FRMPD4: variants seen among roughly 807,000 people sequenced by gnomAD.
FRMPD4 encodes FERM and PDZ domain-containing protein 4.
FRMPD4 carries 22 observed loss-of-function variants against 94.1 expected under a neutral mutation model. That is an observed-to-expected ratio of 0.23 (90% CI 0.17 to 0.33). The LOEUF (loss-of-function observed/expected upper bound fraction) is 0.33. Among genes scored for constraint, FRMPD4 ranks in the 10% least tolerant of loss-of-function variants. The pLI is 1.00. For synonymous variants in FRMPD4, 631 were observed against 548.6 expected (o/e 1.15, Z -2.10); for missense variants, 1,111 against 1,339.9 (o/e 0.83, Z 2.67).
At chrX:12,651,725 T>C (rs2059597003) in intron 4 of FRMPD4, among the ~76,000 whole-genome samples, 2 of 111,830 alleles carry the variant, frequency 1.8e-5, no homozygotes, top group Non-Finnish European at 3.8e-5. Context: ...GCCGGACTGC[T>C]GAACAGAAGG....
chrX:11,870,968 A>G (rs918553052), intron 2 of FRMPD4, among the ~76,000 whole-genome samples: 12 of 112,218 alleles, frequency 1.1e-4, no homozygotes, highest in Admixed American at 7.5e-4. Flanking sequence ...ACGATAGCAG[A>G]TGCAGCTGTG....
At chrX:12,629,514 C>A (rs922018726) in intron 4 of FRMPD4, among the ~76,000 whole-genome samples, 5 of 112,074 alleles carry the variant, frequency 4.5e-5, no homozygotes, top group African/African-American at 1.6e-4. Flanking sequence ...AGTTTCCTCA[C>A]CTATAACATG....
At chrX:12,546,177 C>CTTTT (rs11321204) in intron 2 of FRMPD4, among the ~76,000 whole-genome samples, 6 of 91,939 alleles carry the variant, frequency 6.5e-5, no homozygotes, top group Non-Finnish European at 8.9e-5. Flanking sequence ...TGCCAACTGT[C>CTTTT]TTTTTTTTTT....
chrX:11,951,386 G>A (rs2407661), intron 3 of FRMPD4, among the ~76,000 whole-genome samples: 39,631 of 110,851 alleles, frequency 0.36, 5,481 homozygotes, highest in East Asian at 0.82. Context: ...TGTGGTATCT[G>A]CATACCATGG....
intron 1 of FRMPD4, among the ~76,000 whole-genome samples, chrX:12,334,429 A>C (rs964000798): frequency 1.8e-5 from 2 of 111,251 alleles, no homozygotes; most frequent in African/African-American, 3.3e-5. Context: ...TAATATGGGC[A>C]CTGCCAAGTC....
At chrX:12,377,802 A>C (rs2056260330) in intron 1 of FRMPD4, among the ~76,000 whole-genome samples, 2 of 112,724 alleles carry the variant, frequency 1.8e-5, no homozygotes, top group South Asian at 7.4e-4. Context: ...CTAGCCCTGT[A>C]ATAAAAGCTC....
chrX:12,656,784 A>G (rs1248354670), intron 4 of FRMPD4, among the ~76,000 whole-genome samples: 1 of 111,783 alleles, frequency 8.9e-6, no homozygotes, highest in African/African-American at 3.3e-5. Context: ...ACAATTATCT[A>G]TTGGTACATA....
chrX:12,388,182 G>A (rs1033572418), intron 1 of FRMPD4, among the ~76,000 whole-genome samples: 4 of 110,832 alleles, frequency 3.6e-5, no homozygotes, highest in Non-Finnish European at 1.9e-5. Context: ...AGTTACAAGG[G>A]TCTATACATA....
chrX:11,943,548 G>C (rs1165102071), intron 3 of FRMPD4, among the ~76,000 whole-genome samples: 3 of 110,065 alleles, frequency 2.7e-5, no homozygotes, highest in Non-Finnish European at 5.7e-5. Flanking sequence ...ATGAGGGGCT[G>C]GGCTTGCTTT....
chrX:12,015,326 C>T (rs1033622505), intron 3 of FRMPD4, among the ~76,000 whole-genome samples: 2 of 110,863 alleles, frequency 1.8e-5, no homozygotes, highest in African/African-American at 6.6e-5. Flanking sequence ...AACACACTGC[C>T]CCTCATCTTA....
chrX:11,878,317 G>A (rs1297022697), intron 3 of FRMPD4, among the ~76,000 whole-genome samples: 1 of 111,766 alleles, frequency 8.9e-6, no homozygotes, highest in African/African-American at 3.2e-5. Context: ...GGCACTTTTG[G>A]GAAAAGAAAA....
chrX:12,482,868 A>G lies in FRMPD4; in HGVS notation c.42-15812A>G, dbSNP rs779638053. On this transcript the variant is annotated intron_variant, in intron 1 of 16. Coordinates refer to ENST00000675598, the MANE Select transcript of FRMPD4 (RefSeq NM_001368397.1). ...GCACATCTCAATTCATACTTGCCAC[A>G]TTTCCAGTGTTCAGTAACTACCTGT... is the stretch of plus-strand genomic sequence containing the variant. Among the ~76,000 whole-genome samples, 107 of 112,173 alleles carry G rather than the reference A, an allele frequency of 9.5e-4. 1 individual carries two copies. Among genetic ancestry groups the G allele is most frequent in the Admixed American group, 9.4e-3 (99 of 10,569 alleles).
Position 12,168,771 on chromosome X carries a change from G to A in FRMPD4, c.41+29759G>A, listed in dbSNP as rs764024275. Among the ~76,000 whole-genome samples the A allele has an allele frequency of 8.3e-4, 90 of 108,696 alleles. 1 individual carries two copies. Among genetic ancestry groups the A allele is most frequent in the South Asian group, 6.5e-3 (16 of 2,451 alleles). The allele number at this position is 108,696 out of a possible 115,157, so 94.4% of individuals were successfully genotyped here. ...CTCCTGAGTAGCTGGGACTACAGGC[G>A]CCCACCACCACGCCTGGCTAATTTT... On this transcript the variant is annotated intron_variant, in intron 1 of 16. Transcript: ENST00000675598.
intron 3 of FRMPD4, among the ~76,000 whole-genome samples, chrX:11,920,955 T>C: frequency 8.9e-6 from 1 of 112,268 alleles, no homozygotes; most frequent in East Asian, 2.8e-4. Context: ...AAAGTCAGGG[T>C]AATGCTCGCC....
chrX:12,502,032 A>C (rs1289765659), intron 2 of FRMPD4, among the ~76,000 whole-genome samples: 2 of 112,096 alleles, frequency 1.8e-5, no homozygotes, highest in African/African-American at 6.5e-5. Flanking sequence ...AATGGTTCTC[A>C]ACCTTGGCCA....
chrX:12,251,360 C>T (rs2054037118), intron 1 of FRMPD4, among the ~76,000 whole-genome samples: 1 of 112,181 alleles, frequency 8.9e-6, no homozygotes, highest in Non-Finnish European at 1.9e-5. Flanking sequence ...CTACTTTGAA[C>T]CCACTTTGTT....
chrX:12,112,768 A>G (rs2055377330), intron 3 of FRMPD4, among the ~76,000 whole-genome samples: 1 of 111,187 alleles, frequency 9.0e-6, no homozygotes, highest in Non-Finnish European at 1.9e-5. Context: ...TATGATTATT[A>G]TTTATTCAAT....
At chrX:12,671,367 A>C (rs1239733577) in intron 4 of FRMPD4, among the ~76,000 whole-genome samples, 1 of 112,254 alleles carries the variant, frequency 8.9e-6, no homozygotes, top group Non-Finnish European at 1.9e-5. Context: ...TGGATAAAGA[A>C]AATGTGGCAC....
At chrX:12,618,830 C>T (rs112267304) in intron 4 of FRMPD4, among the ~76,000 whole-genome samples, 19 of 111,447 alleles carry the variant, frequency 1.7e-4, no homozygotes, top group African/African-American at 5.9e-4. Context: ...GAGAAACCCA[C>T]GTGTATACAA....
Sources: allele counts gnomAD v4.1 joint callset (sites outside exome capture counted in the v4.1 genomes callset), GRCh38; gene constraint gnomAD v4.1.1; transcripts MANE v1.5; gene names NCBI Gene and HGNC (gene_info 2026-07-23, HGNC 2026-07-21).